Variants in ARMC5 observed in about 807,000 individuals in gnomAD.
ARMC5 encodes armadillo repeat containing 5, also known as armadillo repeat-containing protein 5.
In ARMC5, 28 loss-of-function variants were observed where a neutral mutation model predicts 60.5. The ratio of observed to expected loss-of-function variants is 0.46; its 90% CI spans 0.34 to 0.63. The LOEUF is 0.63. ARMC5 is among the 30% of genes least tolerant of loss of function. The pLI is 0.01. For synonymous variants in ARMC5, 680 were observed against 607.3 expected (o/e 1.12, Z -1.76); for missense variants, 1,189 against 1,304.9 (o/e 0.91, Z 1.37).
At chr16:31,465,607 G>A (rs762443719) in intron 4 of ARMC5, 43 of 1,388,210 alleles carry the variant, frequency 3.1e-5, no homozygotes, top group African/African-American at 4.4e-5. Context: ...CTCTTGCCTC[G>A]GCGCCTGGGT....
At chr16:31,459,494 A>G (rs777188151), upstream of ARMC5, 1 of 1,584,538 alleles carries the variant, frequency 6.3e-7, no homozygotes, top group Non-Finnish European at 8.6e-7. Flanking sequence ...CAGCGGCGAG[A>G]AGCGGGGCGG....
At chr16:31,459,450 G>C (rs937960987), upstream of ARMC5, 13 of 1,548,640 alleles carry the variant, frequency 8.4e-6, no homozygotes, top group African/African-American at 2.7e-5. Context: ...GGTGCCCGAC[G>C]ATTTCCCTGT....
At chr16:31,458,807 C>A, upstream of ARMC5, 1 of 1,530,068 alleles carries the variant, frequency 6.5e-7, no homozygotes, top group African/African-American at 1.4e-5. Context: ...CTCGCCTCTT[C>A]TGGCGCGGCC....
chr16:31,458,737 G>C (rs752501394), upstream of ARMC5: 144 of 1,474,900 alleles, frequency 9.8e-5, no homozygotes, highest in Non-Finnish European at 1.3e-4. Context: ...GGGTGACCTG[G>C]GGGCTCCCCG....
chr16:31,459,091 G>T, upstream of ARMC5: 1 of 1,485,266 alleles, frequency 6.7e-7, no homozygotes. Context: ...CCAAGGCCGG[G>T]CCGCACCACC....
chr16:31,462,520 G>T lies in ARMC5; in HGVS notation c.973G>T (p.Glu325Ter). 1.2e-6 allele frequency: 2 copies of T among 1,611,328 alleles called. No individual in the cohort carries two copies. Among genetic ancestry groups the T allele is most frequent in the Non-Finnish European group, 1.7e-6 (2 of 1,179,876 alleles). Residue 325 changes from glutamate (E) to a stop codon, truncating the protein, a stop_gained, in exon 3 of 6, where the codon GAG becomes TAG. Coordinates refer to ENST00000268314, the MANE Select transcript of ARMC5 (RefSeq NM_001105247.2). LOFTEE classifies it high-confidence loss of function. This position sits in a 1 kb window ranked among gnomAD's most constrained non-coding sequence, Gnocchi z 7.2. Reference protein sequence around the residue: ...RPALGNAGGVEVLVDELRQRR... With the variant: ...RPALGNAGGV The stretch of plus-strand genomic sequence containing the variant: ...TGCACTGGGCAATGCTGGTGGCGTG[G>T]AGGTGCTGGTAGATGAGCTCCGGCA...
In ARMC5 at chr16:31,466,319, A is replaced by G; in HGVS notation, c.2238A>G (p.Pro746=). The G allele has an allele frequency of 6.2e-7, 1 of 1,613,582 alleles. No homozygotes were observed. The highest frequency in any genetic ancestry group is 8.5e-7 in the Non-Finnish European group (1 of 1,179,826). Reference sequence around the variant, plus strand: ...CTCTGCTGGGCCCAGCCCCTGTCCCAGCTCCCGACCTGCACTTCCTGCTGG... The same window carrying G: ...CTCTGCTGGGCCCAGCCCCTGTCCCGGCTCCCGACCTGCACTTCCTGCTGG... ...YEPLLGPAPV[P]APDLHFLLDS... Residue 746 remains proline, a synonymous_variant, in exon 6 of 6, where the codon CCA becomes CCG. Transcript: ENST00000268314. The surrounding 1 kb of genome is among the most constrained non-coding windows in gnomAD (Gnocchi z 8.0).
Position 31,462,657 on chromosome 16 carries a change from C to T in ARMC5, c.1110C>T (p.Gly370=), listed in dbSNP as rs1383748332. The change falls in exon 3 of 6, where the codon GGC becomes GGT. Residue 370 remains glycine, a synonymous_variant. Transcript: ENST00000268314. The surrounding 1 kb of genome is among the most constrained non-coding windows in gnomAD (Gnocchi z 7.2). ...INRARLRDAG[G]LDLLMGLLRD... is the part of the protein sequence containing the mutation. ...GGGCCCGACTGCGGGATGCTGGTGG[C>T]TTGGATCTACTGATGGGCCTGCTGC... The T allele has an allele frequency of 1.2e-6, 2 of 1,613,602 alleles. No individual in the cohort carries two copies. Among genetic ancestry groups the T allele is most frequent in the Non-Finnish European group, 1.7e-6 (2 of 1,180,034 alleles).
At chr16:31,465,745 C>T in intron 4 of ARMC5, 105 bp from the exon 5 acceptor site, 1 of 1,558,262 alleles carries the variant, frequency 6.4e-7, no homozygotes, top group Non-Finnish European at 8.6e-7. Context: ...TGATTTCTCA[C>T]CCAGAGGTTT....
chr16:31,462,707 AC>A lies in ARMC5; in HGVS notation c.1163del (p.Pro388LeufsTer73). On this transcript the variant is annotated frameshift_variant, in exon 3 of 6. Coordinates refer to ENST00000268314, the MANE Select transcript of ARMC5 (RefSeq NM_001105247.2). LOFTEE classifies it high-confidence loss of function. The surrounding 1 kb of genome is among the most constrained non-coding windows in gnomAD (Gnocchi z 7.2). Reference sequence around the variant, plus strand: ...CGGGACCCTCGTGCAAGCGCATGGCACCCTCGTATTGTGGCTGCCCTTGTGG... The same window carrying A: ...CGGGACCCTCGTGCAAGCGCATGGCACCTCGTATTGTGGCTGCCCTTGTGG... ...LLRDPRASAW[H>X]PRIVAALVGF... is the part of the protein sequence containing the mutation. 6.2e-7 allele frequency: 1 copy of A among 1,613,738 alleles called. No homozygotes were observed. The highest frequency in any genetic ancestry group is 8.5e-7 in the Non-Finnish European group (1 of 1,180,022).
chr16:31,459,759 G>C lies in ARMC5; in HGVS notation c.235G>C (p.Ala79Pro). Residue 79 changes from alanine to proline, a missense_variant, in exon 1 of 6, where the codon GCA becomes CCA. Transcript: ENST00000268314. ...PLLALLRRAAAAGSAPSQAGP... is the reference protein window; with the variant it reads ...PLLALLRRAAPAGSAPSQAGP... ...ACTCGCGCTGCTACGGCGAGCGGCT[G>C]CAGCGGGTTCCGCCCCGTCCCAGGC... is the stretch of plus-strand genomic sequence containing the variant. 1 of 1,537,460 alleles carries C rather than the reference G, an allele frequency of 6.5e-7. No homozygotes were observed. The highest frequency in any genetic ancestry group is 8.7e-7 in the Non-Finnish European group (1 of 1,150,874).
intron 4 of ARMC5, chr16:31,465,344 C>G: frequency 7.1e-7 from 1 of 1,402,278 alleles, no homozygotes; most frequent in Non-Finnish European, 9.3e-7. Context: ...TCTGCTGGCC[C>G]TGTCCGGGCA....
intron 4 of ARMC5, 57 bp from the exon 5 acceptor site, chr16:31,465,789 TCTCA>T: frequency 6.3e-7 from 1 of 1,598,252 alleles, no homozygotes; most frequent in Middle Eastern, 1.7e-4. Flanking sequence ...CAGAGCCCTG[TCTCA>T]CTCACCCCAC....
At chr16:31,465,118 A>C in intron 4 of ARMC5, 1 of 1,613,974 alleles carries the variant, frequency 6.2e-7, no homozygotes, top group Non-Finnish European at 8.5e-7. Flanking sequence ...CAGATACCCT[A>C]ACTCTAGATG....
rs1364278031 is a variant in ARMC5 at position 31,459,740 on chromosome 16, G to A, written c.216G>A (p.Ala72=). The change falls in exon 1 of 6, where the codon GCG becomes GCA. Residue 72 remains alanine (A), a synonymous_variant. Transcript: ENST00000268314. ...RARGGLRPLL[A]LLRRAAAAGS... ...GCGGCGGGCTCCGCCCCCTACTCGC[G>A]CTGCTACGGCGAGCGGCTGCAGCGG... is the stretch of plus-strand genomic sequence containing the variant. The A allele has an allele frequency of 1.3e-6, 2 of 1,544,988 alleles. No homozygotes were observed. The highest frequency in any genetic ancestry group is 1.4e-5 in the African/African-American group (1 of 71,032).
chr16:31,462,748 A>G lies in ARMC5; in HGVS notation c.1201A>G (p.Thr401Ala). Reference protein sequence around the residue: ...VAALVGFLYDTGALGRLQALG... With the variant: ...VAALVGFLYDAGALGRLQALG... The stretch of plus-strand genomic sequence containing the variant: ...TGCCCTTGTGGGGTTTCTGTATGAC[A>G]CTGGGGCCCTGGGCCGGCTGCAGGC... The change falls in exon 3 of 6, where the codon ACT (threonine) becomes GCT (alanine). Residue 401 changes from threonine to alanine, a missense_variant. Physicochemically the swap from Thr to Ala is moderately conservative, Grantham distance 58. Coordinates refer to ENST00000268314, the MANE Select transcript of ARMC5 (RefSeq NM_001105247.2). The surrounding 1 kb of genome is among the most constrained non-coding windows in gnomAD (Gnocchi z 7.2). The G allele has an allele frequency of 1.2e-6, 2 of 1,613,844 alleles. No individual in the cohort carries two copies. Among genetic ancestry groups the G allele is most frequent in the South Asian group, 1.1e-5 (1 of 91,076 alleles).
chr16:31,458,413 C>T (rs1252899139), upstream of ARMC5: 2 of 1,535,614 alleles, frequency 1.3e-6, no homozygotes, highest in African/African-American at 2.7e-5. Context: ...ACACTCGGGG[C>T]AGGAGTACGG....
chr16:31,459,260 C>G (rs769379147), upstream of ARMC5: 3 of 1,533,754 alleles, frequency 2.0e-6, no homozygotes, highest in Non-Finnish European at 2.6e-6. Flanking sequence ...CAGCGCTTCC[C>G]GAGGTAGGCG....
Position 31,462,089 on chromosome 16 carries a change from C to T in ARMC5, c.584-42C>T. 1 of 1,613,276 alleles carries T rather than the reference C, an allele frequency of 6.2e-7. No individual in the cohort carries two copies. Among genetic ancestry groups the T allele is most frequent in the South Asian group, 1.1e-5 (1 of 91,052 alleles). On this transcript the variant is annotated intron_variant, in intron 2 of 5. Transcript: ENST00000268314. The surrounding 1 kb of genome is among the most constrained non-coding windows in gnomAD (Gnocchi z 7.2). ...TGGGGCAGAAGAAAGGCTTGAGTGT[C>T]TGTCCTTGTTCACCCTCTGTGCTCC... is the stretch of plus-strand genomic sequence containing the variant.
Sources: gnomAD v4.1 joint callset for allele counts on GRCh38, gnomAD v4.1.1 for gene constraint, Gnocchi (gnomAD v3.1) non-coding constraint, MANE v1.5 for transcripts, NCBI Gene and HGNC (gene_info 2026-07-23, HGNC 2026-07-21) for gene names.